The following BMPR2 variants were observed in gnomAD, a reference collection of about 807,000 sequenced individuals.
The protein encoded by BMPR2 is bone morphogenetic protein receptor type 2.
In BMPR2, 29 loss-of-function variants were observed where a neutral mutation model predicts 100.8. That is an observed-to-expected ratio of 0.29 (90% CI 0.21 to 0.39). The LOEUF is 0.39. BMPR2 is among the 10% of genes least tolerant of loss of function. The pLI is 1.00. For missense variants in BMPR2, 1,011 were observed against 1,274.5 expected (o/e 0.79, Z 3.15); for synonymous variants, 382 against 442.3 (o/e 0.86, Z 1.71).
At chr2:202,382,058 G>GTTTT (rs1216592236) in intron 1 of BMPR2, among the ~76,000 whole-genome samples, 8 of 113,662 alleles carry the variant, frequency 7.0e-5, no homozygotes, top group East Asian at 2.6e-4. Context: ...TTTTGTTTTT[G>GTTTT]TTTTTTTTTT....
At chr2:202,547,066 C>A (rs987220544) in intron 10 of BMPR2, among the ~76,000 whole-genome samples, 3 of 152,082 alleles carry the variant, frequency 2.0e-5, no homozygotes, top group East Asian at 1.9e-4. Flanking sequence ...GCATGCCTGG[C>A]CCCCACACAC....
intron 1 of BMPR2, among the ~76,000 whole-genome samples, chr2:202,412,534 T>A (rs1691034808): frequency 6.6e-6 from 1 of 152,180 alleles, no homozygotes; most frequent in Non-Finnish European, 1.5e-5. Flanking sequence ...TTAGTCAGGA[T>A]GGTCTTGATC....
At chr2:202,416,939 C>T (rs374635183) in intron 1 of BMPR2, among the ~76,000 whole-genome samples, 33 of 150,670 alleles carry the variant, frequency 2.2e-4, no homozygotes, top group South Asian at 1.0e-3. Context: ...TGGGTTCACA[C>T]GATTCTCCTG....
intron 9 of BMPR2, among the ~76,000 whole-genome samples, chr2:202,533,381 G>A (rs553527195): frequency 1.6e-4 from 24 of 151,498 alleles, no homozygotes; most frequent in African/African-American, 5.8e-4. Context: ...GTGAAACCCC[G>A]TTTCTACTAA....
Position 202,376,998 on chromosome 2 carries a change from G to T in BMPR2, c.-477G>T, listed in dbSNP as rs1574415464. On this transcript the variant is annotated 5_prime_UTR_variant, in exon 1 of 13. Coordinates refer to ENST00000374580, the MANE Select transcript of BMPR2 (RefSeq NM_001204.7). ...CCGGAGCCGCGGGCGATGCGACTAG[G>T]GCTGCCGGGCGCCGCCGCCGCCCGT... The T allele has an allele frequency of 2.1e-6, 1 of 468,346 alleles. No individual in the cohort carries two copies. Among genetic ancestry groups the T allele is most frequent in the Admixed American group, 3.8e-5 (1 of 26,118 alleles). The allele number at this position is 468,346 out of a possible 1,614,324, so 29.0% of individuals were successfully genotyped here. A position where few individuals can be genotyped will look rare whatever the true frequency, so the allele number is the denominator to read the frequency against.
At chr2:202,477,212 G>A (rs1486631504) in intron 3 of BMPR2, among the ~76,000 whole-genome samples, 1 of 152,178 alleles carries the variant, frequency 6.6e-6, no homozygotes, top group Non-Finnish European at 1.5e-5. Flanking sequence ...TGCCCACATA[G>A]AGAAGACATT....
At position 202,474,373 on chromosome 2, in the gene BMPR2, T is replaced by C. The variant is rs1373124441; in HGVS notation, c.418+6684T>C. Reference sequence around the variant, plus strand: ...CAGGAGGCTGAGGCAGAATAATCTCTTGAACCTGGGAAGTGAAGCGGAGGT... The same window carrying C: ...CAGGAGGCTGAGGCAGAATAATCTCCTGAACCTGGGAAGTGAAGCGGAGGT... On this transcript the variant is annotated intron_variant, in intron 3 of 12. Coordinates refer to ENST00000374580, the MANE Select transcript of BMPR2 (RefSeq NM_001204.7). 6.1e-5 allele frequency among the ~76,000 whole-genome samples: 9 copies of C among 148,072 alleles called. No individual in the cohort carries two copies. In the East Asian group the frequency reaches 1.9e-3, roughly 31 times the overall value.
intron 7 of BMPR2, among the ~76,000 whole-genome samples, chr2:202,528,026 A>C (rs2106015715): frequency 6.6e-6 from 1 of 152,108 alleles, no homozygotes; most frequent in South Asian, 2.1e-4. Flanking sequence ...CGTCTCTACA[A>C]AAATAAAAAA....
chr2:202,448,550 G>A (rs1355447036), intron 1 of BMPR2, among the ~76,000 whole-genome samples: 5 of 151,284 alleles, frequency 3.3e-5, no homozygotes, highest in East Asian at 2.0e-4. Flanking sequence ...TCCTCCTCCC[G>A]GGTTCAAGCA....
chr2:202,504,782 C>T (rs192511432), intron 3 of BMPR2, among the ~76,000 whole-genome samples: 8 of 149,266 alleles, frequency 5.4e-5, no homozygotes, highest in Non-Finnish European at 8.8e-5. Flanking sequence ...CGAGTTCAAG[C>T]GATTCTCCTG....
chr2:202,445,968 G>A (rs887047082), intron 1 of BMPR2, among the ~76,000 whole-genome samples: 3 of 149,360 alleles, frequency 2.0e-5, no homozygotes, highest in Non-Finnish European at 2.9e-5. Flanking sequence ...TAGAGATGGG[G>A]TTTCACCGTG....
At chr2:202,437,907 A>AGT (rs756336245) in intron 1 of BMPR2, among the ~76,000 whole-genome samples, 3,060 of 150,776 alleles carry the variant, frequency 0.02, 66 homozygotes, top group South Asian at 0.038. Flanking sequence ...AGTTATTGTG[A>AGT]ATAATGCCAT....
rs754452295 is a variant in BMPR2, at chr2:202,520,089, A to G, written c.855A>G (p.Gly285=). The G allele has an allele frequency of 6.3e-7, 1 of 1,588,740 alleles. No homozygotes were observed. Among genetic ancestry groups the G allele is most frequent in the East Asian group, 2.2e-5 (1 of 44,594 alleles). The change falls in exon 7 of 13, where the codon GGA becomes GGG. Residue 285 remains glycine, a splice_region_variant and synonymous_variant. Transcript: ENST00000374580. ...TTCGCATTTTTTCCTCTATATAGGG[A>G]TCTTTATGCAAGTATTTAAGTCTCC... The part of the protein sequence containing the change: ...YLLVMEYYPN[G]SLCKYLSLHT...
At chr2:202,535,150 C>T (rs1355455950) in intron 9 of BMPR2, among the ~76,000 whole-genome samples, 1 of 149,648 alleles carries the variant, frequency 6.7e-6, no homozygotes, top group African/African-American at 2.5e-5. Context: ...CCCCACCTCC[C>T]TCCCGGATGG....
chr2:202,423,588 T>C (rs1691315319), intron 1 of BMPR2, among the ~76,000 whole-genome samples: 2 of 152,106 alleles, frequency 1.3e-5, no homozygotes, highest in South Asian at 4.2e-4. Context: ...CTTTTCTGTC[T>C]CTACAAAAAT....
intron 12 of BMPR2, among the ~76,000 whole-genome samples, chr2:202,557,536 GC>G (rs1456385897): frequency 6.7e-6 from 1 of 149,380 alleles, no homozygotes; most frequent in Non-Finnish European, 1.5e-5. Flanking sequence ...GTGTGGTGGT[GC>G]CCACCTGTAA....
intron 7 of BMPR2, chr2:202,521,067 G>A (rs925473185): frequency 6.5e-6 from 1 of 153,322 alleles, no homozygotes; most frequent in African/African-American, 2.4e-5. Flanking sequence ...GGGATGTAGG[G>A]GACCCAGGGG....
At position 202,542,319 on chromosome 2, in the gene BMPR2, G is replaced by C. The variant is rs146957466; in HGVS notation, c.1285G>C (p.Val429Leu). 6.2e-7 allele frequency: 1 copy of C among 1,613,740 alleles called. No homozygotes were observed. The change falls in exon 10 of 13, where the codon GTA becomes CTA. Residue 429 changes from valine to leucine, a missense_variant. Coordinates refer to ENST00000374580, the MANE Select transcript of BMPR2 (RefSeq NM_001204.7). ...RCTDLFPGES[V>L]PEYQMAFQTE... ...TTTCTACAAATCCACAGGGGAATCCGTACCAGAGTACCAGATGGCTTTTCA... is the reference window on the plus strand; with the variant it reads ...TTTCTACAAATCCACAGGGGAATCCCTACCAGAGTACCAGATGGCTTTTCA...
At chr2:202,460,952 G>T (rs1399838050) in intron 1 of BMPR2, among the ~76,000 whole-genome samples, 3 of 151,722 alleles carry the variant, frequency 2.0e-5, no homozygotes, top group African/African-American at 7.3e-5. Flanking sequence ...CTGGGCTCCA[G>T]CTATCCATCT....
Sources: allele counts gnomAD v4.1 joint callset (sites outside exome capture counted in the v4.1 genomes callset), GRCh38; gene constraint gnomAD v4.1.1; transcripts MANE v1.5; gene names NCBI Gene and HGNC (gene_info 2026-07-23, HGNC 2026-07-21).